Variants in NUGGC observed in about 807,000 individuals in gnomAD.
NUGGC encodes nuclear GTPase, germinal center associated, also known as nuclear GTPase SLIP-GC.
NUGGC carries 58 observed loss-of-function variants against 92.6 expected under a neutral mutation model. The observed-to-expected ratio is 0.63, with a 90% CI of 0.51 to 0.78. The LOEUF is 0.78. NUGGC is among the 30% of genes least tolerant of loss of function. The pLI is 0.00. For synonymous variants in NUGGC, 376 were observed against 366.4 expected, an observed-to-expected ratio of 1.03 and a Z score of -0.30; for missense variants, 925 against 964.6, an observed-to-expected ratio of 0.96 and a Z score of 0.54.
At position 28,068,387 on chromosome 8, in the gene NUGGC, A is replaced by G. The variant is rs752464716; in HGVS notation, c.309T>C (p.Ile103=). 1 of 1,583,628 alleles carries G rather than the reference A, an allele frequency of 6.3e-7. No homozygotes were observed. Among genetic ancestry groups the G allele is most frequent in the Non-Finnish European group, 8.6e-7 (1 of 1,164,142 alleles). Reference sequence around the variant, plus strand: ...CAGCCCCAGTGCTTCCAAATAATGCAATGTAGATTGGGTCCACTGTCGGCT... The same window carrying G: ...CAGCCCCAGTGCTTCCAAATAATGCGATGTAGATTGGGTCCACTGTCGGCT... ...IEKPTVDPIY[I]ALFGSTGAGK... is the part of the protein sequence containing the mutation. Residue 103 remains isoleucine, a synonymous_variant, in exon 5 of 19, where the codon ATT becomes ATC. Transcript: ENST00000413272.
intron 7 of NUGGC, among the ~76,000 whole-genome samples, chr8:28,064,264 C>A (rs914967183): frequency 1.3e-5 from 2 of 152,190 alleles, no homozygotes. Flanking sequence ...CCTCTTAAGC[C>A]ACTCTATTGC....
intron 18 of NUGGC, among the ~76,000 whole-genome samples, chr8:28,024,091 T>A (rs1356025664): frequency 1.3e-5 from 2 of 152,102 alleles, no homozygotes; most frequent in African/African-American, 4.8e-5. Context: ...TGGCATGATC[T>A]TGACTCACTG....
intron 2 of NUGGC, among the ~76,000 whole-genome samples, chr8:28,073,358 C>G (rs1486504159): frequency 5.3e-5 from 8 of 151,908 alleles, no homozygotes; most frequent in African/African-American, 1.9e-4. Flanking sequence ...TTCCTCTAGG[C>G]TAAGCTCAAC....
intron 10 of NUGGC, among the ~76,000 whole-genome samples, chr8:28,054,710 T>G (rs1206109394): frequency 1.3e-5 from 2 of 152,070 alleles, no homozygotes; most frequent in African/African-American, 4.8e-5. Flanking sequence ...CAAAAGTGCC[T>G]TCTCGACTTT....
intron 18 of NUGGC, among the ~76,000 whole-genome samples, chr8:28,025,076 T>C (rs2130053100): frequency 2.0e-5 from 3 of 152,352 alleles, no homozygotes; most frequent in Middle Eastern, 6.8e-3. Context: ...TTCCACCCAC[T>C]GGGCTGTGAG....
At chr8:28,028,249 T>C (rs754847933) in intron 17 of NUGGC, among the ~76,000 whole-genome samples, 63 of 152,340 alleles carry the variant, frequency 4.1e-4, no homozygotes, top group Middle Eastern at 3.4e-3. Context: ...ACTGGCTTTA[T>C]GGAGTTCGGC....
intron 7 of NUGGC, among the ~76,000 whole-genome samples, chr8:28,062,630 C>T (rs1431073274): frequency 6.6e-6 from 1 of 152,076 alleles, no homozygotes; most frequent in Admixed American, 6.6e-5. Context: ...CAAAACAAAA[C>T]AAAAGTAGAA....
At chr8:28,035,524 C>T (rs1809532711) in intron 13 of NUGGC, among the ~76,000 whole-genome samples, 1 of 152,130 alleles carries the variant, frequency 6.6e-6, no homozygotes, top group East Asian at 1.9e-4. Context: ...GCCTTAGCTG[C>T]TCTCCATGTG....
At position 28,070,236 on chromosome 8, in the gene NUGGC, G is replaced by A; in HGVS notation, c.148+16C>T. 6.5e-7 allele frequency: 1 copy of A among 1,533,562 alleles called. No individual in the cohort carries two copies. The highest frequency in any genetic ancestry group is 8.8e-7 in the Non-Finnish European group (1 of 1,130,986). The allele number at this position is 1,533,562 out of a possible 1,614,324, so 95.0% of individuals were successfully genotyped here. ...AGAACCGAACCATGTTAAAACAACA[G>A]TTCCAAGACACTCACATTCCTTAAG... On this transcript the variant is annotated intron_variant, in intron 3 of 18. Coordinates refer to ENST00000413272, the MANE Select transcript of NUGGC (RefSeq NM_001010906.2).
intron 4 of NUGGC, among the ~76,000 whole-genome samples, 164 bp downstream of exon 4, chr8:28,069,366 AGATTACCTAACAGT>A (rs1297637523): frequency 6.6e-6 from 1 of 152,256 alleles, no homozygotes; most frequent in East Asian, 1.9e-4. Context: ...AGCACTTAGC[AGATTACCTAACAGT>A]GACAGCTCAA....
In NUGGC at chr8:28,070,341, T is replaced by A; in HGVS notation, c.59A>T (p.Tyr20Phe). ...QEPHPVEDDL[Y>F]KERTRKRRKS... ...CCTTCTTTTTCTCGTTCGTTCTTTA[T>A]ATAAATCATCTTCAACTAGAGATAA... The change falls in exon 3 of 19, where the codon TAT becomes TTT. Residue 20 changes from tyrosine to phenylalanine, a missense_variant. Coordinates refer to ENST00000413272, the MANE Select transcript of NUGGC (RefSeq NM_001010906.2). 6.6e-7 allele frequency: 1 copy of A among 1,524,146 alleles called. No homozygotes were observed. The highest frequency in any genetic ancestry group is 8.9e-7 in the Non-Finnish European group (1 of 1,122,146). 94.4% of individuals were successfully genotyped at this position (1,524,146 alleles called of 1,614,324 possible).
rs552476250 is a variant in NUGGC, at chr8:28,049,172, T to A, written c.1207-1560A>T. Among the ~76,000 whole-genome samples the A allele has an allele frequency of 2.0e-5, 3 of 152,274 alleles. No homozygotes were observed. The East Asian group carries it at 5.8e-4, about 29-fold the overall frequency. On this transcript the variant is annotated intron_variant, in intron 10 of 18. Transcript: ENST00000413272. ...TGGGACTGGTGAGAAGCCGTGTCCC[T>A]GGCAAGCTATAAGCACGTGTAGTTA...
chr8:28,064,569 G>C lies in NUGGC; in HGVS notation c.874C>G (p.Pro292Ala), dbSNP rs1448299357. Residue 292 changes from proline to alanine, a missense_variant, in exon 7 of 19, where the codon CCA becomes GCA. Pro to Ala is a conservative substitution (Grantham distance 27, BLOSUM62 -1). Transcript: ENST00000413272. Reference sequence around the variant, plus strand: ...TTGCTGTTGAAGTCGCCTGTGCCTGGGATGTCCACCAGCACGACCCCTTCT... The same window carrying C: ...TTGCTGTTGAAGTCGCCTGTGCCTGCGATGTCCACCAGCACGACCCCTTCT... Reference protein sequence around the residue: ...IPEGVVLVDIPGTGDFNSKRD... With the variant: ...IPEGVVLVDIAGTGDFNSKRD... The C allele has an allele frequency of 6.2e-7, 1 of 1,613,994 alleles. No individual in the cohort carries two copies. The highest frequency in any genetic ancestry group is 8.5e-7 in the Non-Finnish European group (1 of 1,179,888).
intron 2 of NUGGC, among the ~76,000 whole-genome samples, chr8:28,074,039 T>G (rs924757946): frequency 6.6e-6 from 1 of 151,650 alleles, no homozygotes; most frequent in African/African-American, 2.4e-5. Flanking sequence ...CGTCATGTGA[T>G]CCACCCGCCT....
At chr8:28,064,499 C>T (rs761697523) in intron 7 of NUGGC, 23 bp downstream of exon 7, 20 of 1,607,082 alleles carry the variant, frequency 1.2e-5, no homozygotes, top group Admixed American at 8.3e-5. Context: ...GAAGAGAGAA[C>T]TAAACCTACG....
intron 16 of NUGGC, among the ~76,000 whole-genome samples, chr8:28,029,749 C>CA (rs919061529): frequency 2.0e-5 from 3 of 151,614 alleles, no homozygotes; most frequent in African/African-American, 7.3e-5. Flanking sequence ...GACTCCATCT[C>CA]AAAAAAACAA....
Position 28,067,628 on chromosome 8 carries a change from C to A in NUGGC, c.597G>T (p.Lys199Asn). Reference sequence around the variant, plus strand: ...CCCCATTTCCATAAATCATTTGTAGCTTCCAGGTGGCTTCCTCCACTGCCT... The same window carrying A: ...CCCCATTTCCATAAATCATTTGTAGATTCCAGGTGGCTTCCTCCACTGCCT... ...RDEAVEEATW[K>N]LQMIYGNGAE... is the part of the protein sequence containing the mutation. The change falls in exon 6 of 19, where the codon AAG (lysine) becomes AAT (asparagine). Residue 199 changes from lysine to asparagine, a missense_variant. Coordinates refer to ENST00000413272, the MANE Select transcript of NUGGC (RefSeq NM_001010906.2). 6.2e-7 allele frequency: 1 copy of A among 1,613,970 alleles called. No individual in the cohort carries two copies. The highest frequency in any genetic ancestry group is 8.5e-7 in the Non-Finnish European group (1 of 1,179,812).
intron 13 of NUGGC, among the ~76,000 whole-genome samples, chr8:28,037,117 G>A (rs185701624): frequency 5.9e-5 from 9 of 152,144 alleles, no homozygotes; most frequent in Admixed American, 1.3e-4. Context: ...CCAGCTACCC[G>A]CCACTCGCTC....
intron 1 of NUGGC, among the ~76,000 whole-genome samples, chr8:28,078,160 C>T (rs952510424): frequency 2.0e-5 from 3 of 152,148 alleles, no homozygotes; most frequent in African/African-American, 7.2e-5. Context: ...TTTCTGTATA[C>T]AAGTAATTTG....
Sources: gnomAD v4.1 joint callset for allele counts (sites outside exome capture counted in the v4.1 genomes callset) on GRCh38, gnomAD v4.1.1 for gene constraint, MANE v1.5 for transcripts, NCBI Gene and HGNC (gene_info 2026-07-23, HGNC 2026-07-21) for gene names.